Variants in NFIC observed in about 807,000 individuals in gnomAD.
NFIC encodes the protein nuclear factor 1 C-type.
Under a neutral mutation model 54.4 loss-of-function variants are expected in NFIC, and 12 were observed. The ratio of observed to expected loss-of-function variants is 0.22; its 90% CI spans 0.14 to 0.36. The LOEUF (loss-of-function observed/expected upper bound fraction) is 0.36. Ranked by LOEUF, NFIC falls within the 10% of genes least tolerant of loss-of-function variation. NFIC has a pLI of 1.00. For synonymous variants in NFIC, 322 were observed against 319.2 expected (o/e 1.01, Z -0.09); for missense variants, 575 against 718.2 (o/e 0.80, Z 2.28).
At chr19:3,394,330 A>C (rs1301082271) in intron 2 of NFIC, among the ~76,000 whole-genome samples, 3 of 151,868 alleles carry the variant, frequency 2.0e-5, no homozygotes, top group Non-Finnish European at 4.4e-5. Flanking sequence ...AAATTAAAAA[A>C]TTAGCCAGGC....
intron 6 of NFIC, among the ~76,000 whole-genome samples, chr19:3,437,998 G>T (rs1256379238): frequency 6.6e-6 from 1 of 151,922 alleles, no homozygotes; most frequent in Non-Finnish European, 1.5e-5. Context: ...ACCCAGCCGT[G>T]ACTTCTCATT....
chr19:3,383,750 G>A (rs187090548), intron 2 of NFIC, among the ~76,000 whole-genome samples: 2 of 152,302 alleles, frequency 1.3e-5, no homozygotes, highest in African/African-American at 4.8e-5. Flanking sequence ...ACCCACACAG[G>A]TCACCAGCCC....
At chr19:3,412,197 C>G (rs1218029852) in intron 2 of NFIC, among the ~76,000 whole-genome samples, 1 of 152,168 alleles carries the variant, frequency 6.6e-6, no homozygotes, top group Non-Finnish European at 1.5e-5. Flanking sequence ...ATCCACCCAC[C>G]TCAGCCCCCA....
intron 2 of NFIC, among the ~76,000 whole-genome samples, chr19:3,382,792 G>A (rs1032948519): frequency 2.7e-5 from 4 of 150,080 alleles, no homozygotes; most frequent in Non-Finnish European, 4.4e-5. Flanking sequence ...CTAGGAGAGC[G>A]TCTAATGCAA....
At chr19:3,429,136 T>C (rs12976989) in intron 3 of NFIC, among the ~76,000 whole-genome samples, 28,238 of 83,666 alleles carry the variant, frequency 0.34, 5,297 homozygotes, top group East Asian at 0.68. Flanking sequence ...AAAAAAAATA[T>C]ACACACACAC....
chr19:3,362,403 G>A (rs1372264129), upstream of NFIC, among the ~76,000 whole-genome samples: 1 of 149,292 alleles, frequency 6.7e-6, no homozygotes, highest in Non-Finnish European at 1.5e-5. Flanking sequence ...TGTGTGCCAT[G>A]TGGGTCTGTG....
rs142105852 is a variant in NFIC, at chr19:3,361,198, C to T, written c.3+1513C>T. Among the ~76,000 whole-genome samples the T allele has an allele frequency of 4.8e-3, 727 of 152,298 alleles. 5 individuals carry two copies. The highest frequency in any genetic ancestry group is 0.017 in the African/African-American group (693 of 41,580). On this transcript the variant is annotated intron_variant, in intron 1 of 9. Transcript: ENST00000395111. ...ACGCGATCACTCGGCACGCAGACGT[C>T]GCTCGCCAGGGGTTGCGCTTGCGCG... is the stretch of plus-strand genomic sequence containing the variant.
At chr19:3,393,529 T>C (rs1319905214) in intron 2 of NFIC, among the ~76,000 whole-genome samples, 1 of 151,568 alleles carries the variant, frequency 6.6e-6, no homozygotes, top group African/African-American at 2.4e-5. Context: ...AGAAATAGAA[T>C]GTTGGCTGGG....
At chr19:3,396,128 T>TTAC (rs1457410971) in intron 2 of NFIC, among the ~76,000 whole-genome samples, 1 of 152,102 alleles carries the variant, frequency 6.6e-6, no homozygotes, top group African/African-American at 2.4e-5. Context: ...TGACCCCCAG[T>TTAC]TACTGTCTGT....
intron 2 of NFIC, among the ~76,000 whole-genome samples, chr19:3,417,690 A>G (rs1231322736): frequency 3.4e-5 from 5 of 148,274 alleles, no homozygotes; most frequent in East Asian, 2.0e-4. Flanking sequence ...CAGTGGCGCA[A>G]TCTCGGCTCA....
upstream of NFIC, among the ~76,000 whole-genome samples, chr19:3,363,267 ATATTTTTT>A (rs1408372721): frequency 1.7e-4 from 8 of 47,056 alleles, no homozygotes; most frequent in South Asian, 2.8e-3. Context: ...ATATATATAT[ATATTTTTT>A]TTTTTTTTTT....
intron 2 of NFIC, among the ~76,000 whole-genome samples, chr19:3,401,367 G>A (rs563076459): frequency 6.6e-6 from 1 of 152,106 alleles, no homozygotes; most frequent in East Asian, 1.9e-4. Flanking sequence ...AGAGTGGACC[G>A]CCCTGGTGCA....
At chr19:3,361,198 C>CACTCG (rs2080806707) in intron 1 of NFIC, among the ~76,000 whole-genome samples, 1 of 152,182 alleles carries the variant, frequency 6.6e-6, no homozygotes, top group Admixed American at 6.5e-5. Context: ...ACGCAGACGT[C>CACTCG]GCTCGCCAGG....
In NFIC at chr19:3,435,017, C is replaced by T. The variant is rs964880150; in HGVS notation, c.834-66C>T. The T allele has an allele frequency of 8.7e-6, 13 of 1,486,078 alleles. No individual in the cohort carries two copies. In the Admixed American group the frequency reaches 1.3e-4, roughly 15 times the overall value. 92.1% of individuals were successfully genotyped at this position (1,486,078 alleles called of 1,614,324 possible). ...ACTTAAGGACCGGAAGTAGCAAAGC[C>T]CGCCGTCGCGCCCCCCGCCCCGCGT... is the stretch of plus-strand genomic sequence containing the variant. On this transcript the variant is annotated intron_variant, in intron 5 of 10. Coordinates refer to ENST00000443272, the MANE Select transcript of NFIC (RefSeq NM_001245002.2).
intron 6 of NFIC, among the ~76,000 whole-genome samples, chr19:3,443,486 T>C (rs939254620): frequency 6.6e-6 from 1 of 151,416 alleles, no homozygotes; most frequent in Non-Finnish European, 1.5e-5. Flanking sequence ...ACTCCTAGTG[T>C]GGCAGACGGT....
intron 2 of NFIC, among the ~76,000 whole-genome samples, chr19:3,420,821 C>G (rs1331113810): frequency 1.3e-5 from 2 of 151,912 alleles, no homozygotes; most frequent in Non-Finnish European, 2.9e-5. Flanking sequence ...CTCCCGAGTT[C>G]AAGAGATTCT....
intron 3 of NFIC, among the ~76,000 whole-genome samples, chr19:3,432,836 G>A (rs62125995): frequency 9.2e-5 from 14 of 151,950 alleles, no homozygotes; most frequent in Admixed American, 2.0e-4. Context: ...CACCACGCCC[G>A]GCTAATTTTT....
chr19:3,467,212 G>GCCCCCCCCCCCC lies in NFIC; in HGVS notation c.*4454_*4455insCCCCCCCCCCCC, dbSNP rs374469121. 21 of 88,218 alleles carry GCCCCCCCCCCCC rather than the reference G, an allele frequency of 2.4e-4. No homozygotes were observed. Among genetic ancestry groups the GCCCCCCCCCCCC allele is most frequent in the South Asian group, 5.3e-4 (1 of 1,900 alleles). 5.5% of individuals were successfully genotyped at this position (88,218 alleles called of 1,614,324 possible). On this transcript the variant is annotated 3_prime_UTR_variant, in exon 11 of 11. Coordinates refer to ENST00000443272, the MANE Select transcript of NFIC (RefSeq NM_001245002.2). ...GCTATGGACACCACACCTATGCCAG[G>GCCCCCCCCCCCC]CCCCCCCCCCCACCCCAGTCTCATT... is the stretch of plus-strand genomic sequence containing the variant.
chr19:3,448,957 T>A (rs1189320382), intron 6 of NFIC, 57 bp from the exon 7 acceptor site: 1 of 1,567,714 alleles, frequency 6.4e-7, no homozygotes, highest in Non-Finnish European at 8.7e-7. Flanking sequence ...TTGGGGAAGG[T>A]CCAGGGCTCA....
Sources: allele counts gnomAD v4.1 joint callset (sites outside exome capture counted in the v4.1 genomes callset), GRCh38; gene constraint gnomAD v4.1.1; transcripts MANE v1.5; gene names NCBI Gene and HGNC (gene_info 2026-07-23, HGNC 2026-07-21).